Variants in SNX19 observed in about 807,000 individuals in gnomAD.
The protein encoded by SNX19 is sorting nexin-19.
A neutral mutation model predicts 85.2 loss-of-function variants in SNX19; 60 were observed. The observed-to-expected ratio is 0.70, with a 90% CI of 0.57 to 0.87. The LOEUF is 0.87. Ranked by LOEUF, SNX19 falls within the 40% of genes least tolerant of loss-of-function variation. The pLI is 0.00. For missense variants in SNX19, 1,201 were observed against 1,217.8 expected (o/e 0.99, Z 0.21); for synonymous variants, 520 against 470.0 (o/e 1.11, Z -1.38).
chr11:130,903,925 AAGTGGGGAAAG>A (rs71743964), intron 7 of SNX19, among the ~76,000 whole-genome samples: 5,532 of 152,168 alleles, frequency 0.036, 351 homozygotes, highest in African/African-American at 0.12. Flanking sequence ...ACCGTGGCAG[AAGTGGGGAAAG>A]AGTTGGCATT....
Position 130,867,702 on chromosome 11 carries a change from C to T in SNX19, c.*10720G>A, listed in dbSNP as rs1318585755. 4.6e-5 allele frequency: 7 copies of T among 152,192 alleles called. No homozygotes were observed. The highest frequency in any genetic ancestry group is 1.0e-4 in the Non-Finnish European group (7 of 68,028). 9.4% of individuals were successfully genotyped at this position (152,192 alleles called of 1,614,324 possible). A position where few individuals can be genotyped will look rare whatever the true frequency, so the allele number is the denominator to read the frequency against. Reference sequence around the variant, plus strand: ...AGATGAGATGCATTTTTAGGACAAACATGGAGACCATCATCGTTGTTCCGG... The same window carrying T: ...AGATGAGATGCATTTTTAGGACAAATATGGAGACCATCATCGTTGTTCCGG... On this transcript the variant is annotated 3_prime_UTR_variant, in exon 11 of 11. Transcript: ENST00000265909.
At chr11:130,904,473 G>C (rs374572059) in intron 7 of SNX19, among the ~76,000 whole-genome samples, 2 of 152,150 alleles carry the variant, frequency 1.3e-5, no homozygotes, top group African/African-American at 4.8e-5. Flanking sequence ...CAAGGATTGG[G>C]AGCTGATATG....
In SNX19 at chr11:130,911,683, T is replaced by G; in HGVS notation, c.1763A>C (p.Asn588Thr). 2 of 1,614,196 alleles carry G rather than the reference T, an allele frequency of 1.2e-6. No homozygotes were observed. The highest frequency in any genetic ancestry group is 1.7e-6 in the Non-Finnish European group (2 of 1,180,042). Reference protein sequence around the residue: ...TVNRRYREFLNLQTRLEEKPD... With the variant: ...TVNRRYREFLTLQTRLEEKPD... ...TTTCTCCTCCAGACGGGTCTGCAGA[T>G]TCAAGAACTCCCGATAGCGACGATT... is the stretch of plus-strand genomic sequence containing the variant. Residue 588 changes from asparagine (N) to threonine (T), a missense_variant, in exon 2 of 11, where the codon AAT (asparagine) becomes ACT (threonine). Transcript: ENST00000265909.
chr11:130,911,674 G>C lies in SNX19; in HGVS notation c.1772C>G (p.Thr591Ser), dbSNP rs767755875. The C allele has an allele frequency of 6.2e-7, 1 of 1,614,184 alleles. No individual in the cohort carries two copies. Among genetic ancestry groups the C allele is most frequent in the Admixed American group, 1.7e-5 (1 of 60,020 alleles). ...TAGATCTGGTTTCTCCTCCAGACGG[G>C]TCTGCAGATTCAAGAACTCCCGATA... ...RRYREFLNLQ[T>S]RLEEKPDLRK... is the part of the protein sequence containing the mutation. Residue 591 changes from threonine (T) to serine (S), a missense_variant, in exon 2 of 11, where the codon ACC (threonine) becomes AGC (serine). Thr to Ser is a moderately conservative substitution (Grantham distance 58). This residue lies in a region of SNX19 where 791 missense variants were observed against 750.9 expected (regional missense o/e 1.05). Transcript: ENST00000265909.
rs775063380 is a variant in SNX19, at chr11:130,915,406, C to T, written c.534G>A (p.Gly178=). 1.2e-6 allele frequency: 2 copies of T among 1,613,948 alleles called. No homozygotes were observed. The highest frequency in any genetic ancestry group is 1.1e-5 in the South Asian group (1 of 91,084). Residue 178 remains glycine, a synonymous_variant, in exon 1 of 11, where the codon GGG becomes GGA. Coordinates refer to ENST00000265909, the MANE Select transcript of SNX19 (RefSeq NM_014758.3). ...GGGAAGGCTCAACTGGACCATTCTT[C>T]CCTGCAGTGGCCTCCTTTGCCTGAA... The part of the protein sequence containing the change: ...SYIQAKEATA[G]KNGPVEPSHL...
rs543158449 is a variant in SNX19 at position 130,877,002 on chromosome 11, T to C, written c.*1420A>G. 1 of 152,348 alleles carries C rather than the reference T, an allele frequency of 6.6e-6. No individual in the cohort carries two copies. The highest frequency in any genetic ancestry group is 2.4e-5 in the African/African-American group (1 of 41,574). The allele number at this position is 152,348 out of a possible 1,614,324, so 9.4% of individuals were successfully genotyped here. A position where few individuals can be genotyped will look rare whatever the true frequency, so the allele number is the denominator to read the frequency against. On this transcript the variant is annotated 3_prime_UTR_variant, in exon 11 of 11. Transcript: ENST00000265909. ...AACTTTCTTCCACAAACCACTTTAA[T>C]TGTGTGCTCATCACCGACTTCAGAA...
chr11:130,912,662 T>A (rs1946223995), intron 1 of SNX19, among the ~76,000 whole-genome samples: 1 of 152,088 alleles, frequency 6.6e-6, no homozygotes. Context: ...TGCTTTACAA[T>A]TTTCTGGAGA....
In SNX19 at chr11:130,878,347, A is replaced by G; in HGVS notation, c.*75T>C. ...TAGCTGTAGCCTACTTGAAGAGGGC[A>G]CGGGCTTCCTGACTGGTCTCTGGTG... is the stretch of plus-strand genomic sequence containing the variant. On this transcript the variant is annotated 3_prime_UTR_variant, in exon 11 of 11. Transcript: ENST00000265909. 1 of 1,543,716 alleles carries G rather than the reference A, an allele frequency of 6.5e-7. No homozygotes were observed. Among genetic ancestry groups the G allele is most frequent in the African/African-American group, 1.4e-5 (1 of 73,230 alleles).
chr11:130,914,630 G>C lies in SNX19; in HGVS notation c.1310C>G (p.Pro437Arg), dbSNP rs370212406. 9 of 1,613,782 alleles carry C rather than the reference G, an allele frequency of 5.6e-6. No individual in the cohort carries two copies. The African/African-American group carries it at 1.1e-4, about 19-fold the overall frequency. Residue 437 changes from proline (P) to arginine (R), a missense_variant, in exon 1 of 11, where the codon CCG becomes CGG. Pro to Arg is a moderately radical substitution (Grantham distance 103). Coordinates refer to ENST00000265909, the MANE Select transcript of SNX19 (RefSeq NM_014758.3). ...TGGGCAGGAATTCAGTGTGGAGACC[G>C]GCAGGCCTGTCTCTGTTTCTGTCCC... ...GPGTETETGLPVSTLNSCPEI... is the reference protein window; with the variant it reads ...GPGTETETGLRVSTLNSCPEI...
rs1250281189 is a variant in SNX19, at chr11:130,878,358, G to A, written c.*64C>T. 1.9e-6 allele frequency: 3 copies of A among 1,570,026 alleles called. No individual in the cohort carries two copies. The African/African-American group carries it at 4.1e-5, about 21-fold the overall frequency. On this transcript the variant is annotated 3_prime_UTR_variant, in exon 11 of 11. Coordinates refer to ENST00000265909, the MANE Select transcript of SNX19 (RefSeq NM_014758.3). The stretch of plus-strand genomic sequence containing the variant: ...TACTTGAAGAGGGCACGGGCTTCCT[G>A]ACTGGTCTCTGGTGGCCGAGTAACT...
Position 130,915,689 on chromosome 11 carries a change from G to A in SNX19, c.251C>T (p.Pro84Leu), listed in dbSNP as rs202178488. 2.7e-5 allele frequency: 44 copies of A among 1,614,240 alleles called. No individual in the cohort carries two copies. Among genetic ancestry groups the A allele is most frequent in the African/African-American group, 5.3e-5 (4 of 75,066 alleles). ...AGGGCATGGAGGACAGGTGGCCAAC[G>A]GGATGAAGCGTTCCAGATGCAGTCG... ...SGRLHLERFI[P>L]LATCPPCPEA... is the part of the protein sequence containing the mutation. Residue 84 changes from proline to leucine, a missense_variant, in exon 1 of 11, where the codon CCG (proline) becomes CTG (leucine). Pro to Leu is a moderately conservative substitution (Grantham distance 98, BLOSUM62 -3). Coordinates refer to ENST00000265909, the MANE Select transcript of SNX19 (RefSeq NM_014758.3).
intron 8 of SNX19, among the ~76,000 whole-genome samples, chr11:130,895,684 T>G (rs557818264): frequency 2.6e-4 from 40 of 152,314 alleles, no homozygotes; most frequent in Admixed American, 2.0e-3. Flanking sequence ...ATTTTGTACC[T>G]CTATTTGAGT....
At chr11:130,889,298 GCTGA>G (rs924649007) in intron 8 of SNX19, among the ~76,000 whole-genome samples, 3 of 151,914 alleles carry the variant, frequency 2.0e-5, no homozygotes, top group African/African-American at 4.8e-5. Context: ...TTCATTTGAT[GCTGA>G]CTCTTTTTCT....
rs752989162 is a variant in SNX19 at position 130,914,818 on chromosome 11, C to A, written c.1122G>T (p.Glu374Asp). Residue 374 changes from glutamate to aspartate, a missense_variant, in exon 1 of 11, where the codon GAG becomes GAT. Glu to Asp is a conservative substitution (Grantham distance 45, BLOSUM62 2). Coordinates refer to ENST00000265909, the MANE Select transcript of SNX19 (RefSeq NM_014758.3). ...CTTTGCCCAGTTCAGACAGCGGAGA[C>A]TCCAGCTCTGAGTCTTCACATAAGA... ...PLFLCEDSEL[E>D]SPLSELGKET... 3.5e-5 allele frequency: 57 copies of A among 1,614,112 alleles called. No homozygotes were observed. Among genetic ancestry groups the A allele is most frequent in the Non-Finnish European group, 4.4e-5 (52 of 1,180,054 alleles).
chr11:130,889,570 G>A (rs2135319712), intron 8 of SNX19, among the ~76,000 whole-genome samples: 1 of 152,218 alleles, frequency 6.6e-6, no homozygotes, highest in East Asian at 1.9e-4. Context: ...AAGTTAATCT[G>A]TTCTTACAGC....
chr11:130,903,852 T>C (rs1361816351), intron 7 of SNX19, among the ~76,000 whole-genome samples: 9 of 152,120 alleles, frequency 5.9e-5, no homozygotes, highest in African/African-American at 2.2e-4. Flanking sequence ...TAAGTGTAAC[T>C]GGCAAGGCCT....
rs1179668558 is a variant in SNX19 at position 130,877,321 on chromosome 11, T to C, written c.*1101A>G. 6.6e-6 allele frequency: 1 copy of C among 152,260 alleles called. No individual in the cohort carries two copies. Among genetic ancestry groups the C allele is most frequent in the Admixed American group, 6.5e-5 (1 of 15,290 alleles). 9.4% of individuals were successfully genotyped at this position (152,260 alleles called of 1,614,324 possible). ...GTTGCCTTGCCTTTCTAATAGATGT[T>C]GCAGTCTGACAAAACACCTTTGCCT... On this transcript the variant is annotated 3_prime_UTR_variant, in exon 11 of 11. Transcript: ENST00000265909.
rs1946139880 is a variant in SNX19, at chr11:130,911,673, G to C, written c.1773C>G (p.Thr591=). The C allele has an allele frequency of 1.9e-5, 31 of 1,614,000 alleles. No individual in the cohort carries two copies. Among genetic ancestry groups the C allele is most frequent in the Non-Finnish European group, 2.6e-5 (31 of 1,180,026 alleles). The change falls in exon 2 of 11, where the codon ACC becomes ACG. Residue 591 remains threonine, a synonymous_variant. Transcript: ENST00000265909. ...GTAGATCTGGTTTCTCCTCCAGACG[G>C]GTCTGCAGATTCAAGAACTCCCGAT... is the stretch of plus-strand genomic sequence containing the variant. ...RRYREFLNLQ[T]RLEEKPDLRK...
rs1001660967 is a variant in SNX19, at chr11:130,868,250, G to T, written c.*10172C>A. 6 of 152,142 alleles carry T rather than the reference G, an allele frequency of 3.9e-5. No homozygotes were observed. The South Asian group carries it at 1.2e-3, about 31-fold the overall frequency. The allele number at this position is 152,142 out of a possible 1,614,324, so 9.4% of individuals were successfully genotyped here. ...ACAGGAAGAGAATTAGCCTCCTTTG[G>T]TGTTACTGCTCCTTCCCACTTTAGC... On this transcript the variant is annotated 3_prime_UTR_variant, in exon 11 of 11. Coordinates refer to ENST00000265909, the MANE Select transcript of SNX19 (RefSeq NM_014758.3).
Sources: gnomAD v4.1 joint callset for allele counts (sites outside exome capture counted in the v4.1 genomes callset) on GRCh38, gnomAD v4.1.1 for gene constraint, gnomAD v4.1.1 regional missense constraint, MANE v1.5 for transcripts, NCBI Gene and HGNC (gene_info 2026-07-23, HGNC 2026-07-21) for gene names.